TMLHE: variants seen among roughly 807,000 people sequenced by gnomAD.
The protein encoded by TMLHE is trimethyllysine hydroxylase, epsilon, also known as trimethyllysine dioxygenase, mitochondrial.
A neutral mutation model predicts 25.7 loss-of-function variants in TMLHE; 18 were observed. That is an observed-to-expected ratio of 0.70 (90% CI 0.48 to 1.04). TMLHE has a LOEUF of 1.04. Among genes scored for constraint, TMLHE ranks in the 50% least tolerant of loss-of-function variants. The pLI is 0.00. For missense variants in TMLHE, 236 were observed against 259.0 expected (o/e 0.91, Z 0.61); for synonymous variants, 105 against 97.0 (o/e 1.08, Z -0.49).
intron 1 of TMLHE, among the ~76,000 whole-genome samples, chrX:155,576,838 C>A (rs782329920): frequency 8.9e-6 from 1 of 111,845 alleles, no homozygotes; most frequent in South Asian, 3.7e-4. Flanking sequence ...CTTCCTTATA[C>A]CATATACAAA....
intron 1 of TMLHE, among the ~76,000 whole-genome samples, chrX:155,581,235 C>T (rs1391494937): frequency 9.0e-6 from 1 of 111,423 alleles, no homozygotes; most frequent in East Asian, 2.8e-4. Flanking sequence ...TGGGCAAAAA[C>T]TGGAAGCATT....
chrX:155,512,814 A>G (rs886384590), intron 4 of TMLHE, among the ~76,000 whole-genome samples: 1 of 112,004 alleles, frequency 8.9e-6, no homozygotes, highest in Non-Finnish European at 1.9e-5. Flanking sequence ...TGTGTTAGCA[A>G]GTATTTAGTG....
intron 1 of TMLHE, among the ~76,000 whole-genome samples, chrX:155,548,468 G>T (rs1362483020): frequency 4.6e-5 from 5 of 109,210 alleles, no homozygotes; most frequent in African/African-American, 1.4e-4. Flanking sequence ...GGGCACGGTG[G>T]CTCATGCCTG....
chrX:155,533,464 A>G (rs1238949596), intron 2 of TMLHE, among the ~76,000 whole-genome samples: 2 of 111,858 alleles, frequency 1.8e-5, no homozygotes, highest in Non-Finnish European at 3.8e-5. Context: ...AGATATTGGT[A>G]CTGAGAAGTA....
At chrX:155,598,888 C>A (rs991134868) in intron 1 of TMLHE, among the ~76,000 whole-genome samples, 1 of 110,330 alleles carries the variant, frequency 9.1e-6, no homozygotes, top group Non-Finnish European at 1.9e-5. Flanking sequence ...GCAAAAAATA[C>A]AGACAGAAAT....
chrX:155,529,053 C>A lies in TMLHE; in HGVS notation c.182-4421G>T, dbSNP rs782768813. ...GCAATAGTTTTTAAAAACTGCTATACCTGTACCTCTCACATTCACTTTCAT... is the reference window on the plus strand; with the variant it reads ...GCAATAGTTTTTAAAAACTGCTATAACTGTACCTCTCACATTCACTTTCAT... On this transcript the variant is annotated intron_variant, in intron 2 of 7. Coordinates refer to ENST00000334398, the MANE Select transcript of TMLHE (RefSeq NM_018196.4). Among the ~76,000 whole-genome samples the A allele has an allele frequency of 3.6e-5, 4 of 112,164 alleles. No homozygotes were observed. In the South Asian group the frequency reaches 1.5e-3, roughly 41 times the overall value.
rs782222839 is a variant in TMLHE at position 155,507,032 on chromosome X, C to T, written c.861G>A (p.Glu287=). Residue 287 remains glutamate, a synonymous_variant, in exon 6 of 8, where the codon GAG becomes GAA. Transcript: ENST00000334398. ...GCACTTTACTGAGGAGTTCAAATTC[C>T]TCAGGTGCCTTTTGAAGTACCTGTT... The part of the protein sequence containing the change: ...AAEQVLQKAP[E]EFELLSKVPL... 5 of 1,209,794 alleles carry T rather than the reference C, an allele frequency of 4.1e-6. No individual in the cohort carries two copies. In the Admixed American group the frequency reaches 6.5e-5, roughly 16 times the overall value.
intron 1 of TMLHE, among the ~76,000 whole-genome samples, chrX:155,608,134 C>A (rs1029299868): frequency 8.0e-5 from 9 of 111,894 alleles, no homozygotes; most frequent in Non-Finnish European, 1.5e-4. Context: ...AACTTGGAAG[C>A]ATCACATTAC....
At chrX:155,506,308 A>C (rs1310794692) in intron 6 of TMLHE, among the ~76,000 whole-genome samples, 2 of 111,144 alleles carry the variant, frequency 1.8e-5, no homozygotes, top group African/African-American at 6.5e-5. Flanking sequence ...AAAATATAGG[A>C]GATTGAGTTG....
At chrX:155,507,214 T>G (rs2124319662) in intron 5 of TMLHE, 80 bp from the exon 6 acceptor site, 1 of 623,797 alleles carries the variant, frequency 1.6e-6, no homozygotes, top group South Asian at 3.1e-5. Flanking sequence ...ATAAAATGAT[T>G]ACTGAAACTA....
intron 1 of TMLHE, among the ~76,000 whole-genome samples, chrX:155,585,446 CACACACAT>C (rs1156639703): frequency 1.1e-4 from 12 of 109,821 alleles, no homozygotes; most frequent in African/African-American, 4.0e-4. Context: ...CACACACACA[CACACACAT>C]ATATATATGC....
chrX:155,587,246 C>T (rs1264367219), intron 1 of TMLHE, among the ~76,000 whole-genome samples: 1 of 111,628 alleles, frequency 9.0e-6, no homozygotes, highest in African/African-American at 3.3e-5. Context: ...AACCCATCAA[C>T]AGAATGAAGG....
intron 2 of TMLHE, among the ~76,000 whole-genome samples, chrX:155,541,471 G>A (rs2067311555): frequency 9.0e-6 from 1 of 111,570 alleles, no homozygotes; most frequent in African/African-American, 3.3e-5. Context: ...TTGTTTCCAA[G>A]TCTTTGTTAT....
intron 5 of TMLHE, among the ~76,000 whole-genome samples, chrX:155,510,389 TC>T (rs2067100619): frequency 1.4e-5 from 1 of 69,645 alleles, no homozygotes; most frequent in African/African-American, 5.4e-5. Context: ...CCCGATGCTA[TC>T]CCTCCCCCCT....
intron 1 of TMLHE, among the ~76,000 whole-genome samples, chrX:155,591,328 A>G (rs2067692696): frequency 8.9e-6 from 1 of 112,037 alleles, no homozygotes; most frequent in Admixed American, 9.5e-5. Context: ...AACACTATAT[A>G]CTTATGGACT....
rs143180004 is a variant in TMLHE at position 155,575,455 on chromosome X, C to T, written c.-1-30178G>A. On this transcript the variant is annotated intron_variant, in intron 1 of 7. Transcript: ENST00000334398. ...ACAAAATATTTGAAAATATAATTGT[C>T]AGAAATTTCCCAAACTTGATGAAAA... Among the ~76,000 whole-genome samples the T allele has an allele frequency of 7.0e-3, 781 of 111,565 alleles. 6 individuals are homozygous for T. Among genetic ancestry groups the T allele is most frequent in the African/African-American group, 0.024 (741 of 30,728 alleles).
intron 1 of TMLHE, among the ~76,000 whole-genome samples, chrX:155,610,058 G>C (rs1026405213): frequency 8.9e-6 from 1 of 111,856 alleles, no homozygotes; most frequent in African/African-American, 3.3e-5. Flanking sequence ...AATTGAAAAC[G>C]AATGTCCACC....
intron 2 of TMLHE, among the ~76,000 whole-genome samples, chrX:155,534,616 T>C (rs782395384): frequency 3.6e-5 from 4 of 111,509 alleles, no homozygotes; most frequent in African/African-American, 1.3e-4. Context: ...ACTTATCTGG[T>C]TTCACAGGAG....
At chrX:155,547,299 C>A (rs1385183987) in intron 1 of TMLHE, among the ~76,000 whole-genome samples, 2 of 96,673 alleles carry the variant, frequency 2.1e-5, no homozygotes, top group Non-Finnish European at 4.2e-5. Flanking sequence ...CACCTGCCAC[C>A]ACGCCCGGCT....
Sources: allele counts gnomAD v4.1 joint callset (sites outside exome capture counted in the v4.1 genomes callset), GRCh38; gene constraint gnomAD v4.1.1; transcripts MANE v1.5; gene names NCBI Gene and HGNC (gene_info 2026-07-23, HGNC 2026-07-21).